Variants in PVT1 observed in about 807,000 individuals in gnomAD.
PVT1 encodes the protein CXCR4/PVT1 fusion.
chr8:128,033,495 A>G (rs530433431), intron 4 of PVT1, among the ~76,000 whole-genome samples: 17 of 152,346 alleles, frequency 1.1e-4, no homozygotes, highest in African/African-American at 4.1e-4. Flanking sequence ...CTATCGCCAC[A>G]GGCTTTCCAC....
chr8:127,863,622 G>A (rs991834545), intron 2 of PVT1, among the ~76,000 whole-genome samples: 7 of 152,234 alleles, frequency 4.6e-5, no homozygotes, highest in African/African-American at 1.7e-4. Context: ...TTACTTAGGT[G>A]TGTGCTTGTG....
At chr8:127,908,831 A>G (rs1815856093) in intron 3 of PVT1, among the ~76,000 whole-genome samples, 1 of 152,138 alleles carries the variant, frequency 6.6e-6, no homozygotes, top group South Asian at 2.1e-4. Context: ...TCCCTGCCAC[A>G]GGGAGGTGAG....
chr8:127,843,628 G>C (rs923494418), intron 2 of PVT1, among the ~76,000 whole-genome samples: 4 of 151,606 alleles, frequency 2.6e-5, no homozygotes, highest in Non-Finnish European at 5.9e-5. Context: ...TGTATTTTTA[G>C]TGGAGACGCG....
At chr8:127,984,956 C>T (rs1489144779) in intron 3 of PVT1, among the ~76,000 whole-genome samples, 1 of 140,624 alleles carries the variant, frequency 7.1e-6, no homozygotes, top group Non-Finnish European at 1.5e-5. Context: ...CCCTTCCTTC[C>T]TTCCTTCCTC....
chr8:128,079,189 G>A (rs942455272), intron 5 of PVT1, among the ~76,000 whole-genome samples: 4 of 151,906 alleles, frequency 2.6e-5, no homozygotes, highest in African/African-American at 9.7e-5. Flanking sequence ...TTCCCCTTCT[G>A]TAAATAAAGT....
chr8:127,930,977 G>A (rs10956398), intron 3 of PVT1, among the ~76,000 whole-genome samples: 49,788 of 152,058 alleles, frequency 0.33, 8,522 homozygotes, highest in East Asian at 0.53. Context: ...CAGTGGTGCC[G>A]TCACTGCAGC....
At chr8:127,979,785 G>A (rs1816862871) in intron 3 of PVT1, among the ~76,000 whole-genome samples, 1 of 152,228 alleles carries the variant, frequency 6.6e-6, no homozygotes, top group African/African-American at 2.4e-5. Flanking sequence ...GCAGTTCCCA[G>A]AGAGGGCTGA....
At position 127,940,839 on chromosome 8, in the gene PVT1, C is replaced by T. The variant is rs185797719; in HGVS notation, n.783-48323C>T. Among the ~76,000 whole-genome samples, 13 of 152,238 alleles carry T rather than the reference C, an allele frequency of 8.5e-5. No individual in the cohort carries two copies. The East Asian group carries it at 2.1e-3, about 25-fold the overall frequency. ...CAGGCCTGGAACTCCTGGACTCAAGCGATCCTCCCACCTCGGCCTTCTAAA... is the reference window on the plus strand; with the variant it reads ...CAGGCCTGGAACTCCTGGACTCAAGTGATCCTCCCACCTCGGCCTTCTAAA... On this transcript the variant is annotated intron_variant and non_coding_transcript_variant, in intron 3 of 10. Coordinates refer to ENST00000651587, the Ensembl canonical transcript of PVT1.
chr8:128,089,569 C>G (rs115484977), intron 5 of PVT1, among the ~76,000 whole-genome samples: 104 of 152,310 alleles, frequency 6.8e-4, no homozygotes, highest in African/African-American at 2.5e-3. Flanking sequence ...CAGTCTATAA[C>G]TGGGATGCAA....
intron 3 of PVT1, among the ~76,000 whole-genome samples, chr8:127,985,356 G>A (rs1396226346): frequency 6.6e-6 from 1 of 151,580 alleles, no homozygotes; most frequent in Non-Finnish European, 1.5e-5. Flanking sequence ...CAATCTTCTG[G>A]CCTCAAACGA....
chr8:127,827,069 C>T (rs1298388542), intron 2 of PVT1, among the ~76,000 whole-genome samples: 2 of 137,200 alleles, frequency 1.5e-5, no homozygotes. Flanking sequence ...CATCTTGGCT[C>T]ACCGTAATCT....
chr8:127,947,975 G>T (rs552277176), intron 3 of PVT1: 2 of 451,716 alleles, frequency 4.4e-6, no homozygotes, highest in African/African-American at 2.0e-5. Context: ...GTGCACAGGG[G>T]TCAAAGTTTG....
intron 3 of PVT1, among the ~76,000 whole-genome samples, chr8:127,927,832 CG>C (rs1816149880): frequency 6.6e-6 from 1 of 152,194 alleles, no homozygotes; most frequent in Non-Finnish European, 1.5e-5. Flanking sequence ...TCTGAATTCA[CG>C]AGCAGTTTGA....
chr8:127,824,449 C>T (rs1814765582), intron 2 of PVT1, among the ~76,000 whole-genome samples: 1 of 152,164 alleles, frequency 6.6e-6, no homozygotes, highest in African/African-American at 2.4e-5. Flanking sequence ...CGAGCCACCA[C>T]TCCCAGCCAG....
intron 2 of PVT1, among the ~76,000 whole-genome samples, chr8:127,813,856 C>T (rs1320849284): frequency 6.6e-6 from 1 of 152,208 alleles, no homozygotes. Context: ...GATCTCGGCT[C>T]ACTGCACCCT....
intron 4 of PVT1, among the ~76,000 whole-genome samples, chr8:128,035,799 A>G (rs1425472019): frequency 6.6e-6 from 1 of 152,206 alleles, no homozygotes. Flanking sequence ...AGATATGACC[A>G]TGGAAGCAGA....
intron 3 of PVT1, among the ~76,000 whole-genome samples, chr8:127,903,026 T>A (rs1238962892): frequency 6.6e-6 from 1 of 152,228 alleles, no homozygotes; most frequent in Non-Finnish European, 1.5e-5. Context: ...CTCCTCACAG[T>A]GGCTGGACTA....
At chr8:127,822,276 A>G (rs1009586179) in intron 2 of PVT1, among the ~76,000 whole-genome samples, 3 of 152,216 alleles carry the variant, frequency 2.0e-5, no homozygotes, top group African/African-American at 7.2e-5. Flanking sequence ...ACGAAAGGAA[A>G]GATTAAACAA....
chr8:127,952,822 A>T (rs1207838443), intron 3 of PVT1, among the ~76,000 whole-genome samples: 10 of 151,516 alleles, frequency 6.6e-5, no homozygotes, highest in South Asian at 4.2e-4. Flanking sequence ...TGGAGTGCAA[A>T]GGCGCGATCT....
Sources: allele counts gnomAD v4.1 joint callset (sites outside exome capture counted in the v4.1 genomes callset), GRCh38; gene constraint gnomAD v4.1.1; transcripts MANE v1.5; gene names NCBI Gene and HGNC (gene_info 2026-07-23, HGNC 2026-07-21).